MMP16: variants seen among roughly 807,000 people sequenced by gnomAD.
The protein encoded by MMP16 is matrix metalloproteinase-16.
In MMP16, 12 loss-of-function variants were observed where a neutral mutation model predicts 67.8. The observed-to-expected ratio is 0.18, with a 90% CI of 0.11 to 0.29. The LOEUF (loss-of-function observed/expected upper bound fraction) is 0.29, where lower values mean the gene tolerates loss of function less well. Among genes scored for constraint, MMP16 ranks in the 10% least tolerant of loss-of-function variants. The pLI, the probability that MMP16 is intolerant of heterozygous loss-of-function variation, is 1.00. For synonymous variants in MMP16, 249 were observed against 255.9 expected (o/e 0.97, Z 0.26); for missense variants, 475 against 765.7 (o/e 0.62, Z 4.48).
intron 6 of MMP16, among the ~76,000 whole-genome samples, chr8:88,080,637 C>T (rs1369851235): frequency 2.0e-5 from 3 of 151,900 alleles, no homozygotes; most frequent in South Asian, 2.1e-4. Flanking sequence ...GGTTTCACCA[C>T]GTTGGCCAGG....
intron 3 of MMP16, among the ~76,000 whole-genome samples, chr8:88,168,406 G>T (rs1252383267): frequency 6.6e-6 from 1 of 152,090 alleles, no homozygotes; most frequent in East Asian, 1.9e-4. Context: ...TGCTCTTCTT[G>T]ATCTGTAAAT....
intron 1 of MMP16, among the ~76,000 whole-genome samples, chr8:88,242,217 C>T (rs770506367): frequency 1.2e-4 from 19 of 152,090 alleles, no homozygotes; most frequent in South Asian, 8.3e-4. Flanking sequence ...TTAATGGAGA[C>T]GGGACAAGAG....
intron 1 of MMP16, among the ~76,000 whole-genome samples, chr8:88,199,773 T>C (rs562436690): frequency 1.2e-4 from 18 of 152,056 alleles, no homozygotes; most frequent in African/African-American, 4.1e-4. Flanking sequence ...ACCATACCCT[T>C]CCATCCTCGT....
At chr8:88,168,314 T>A (rs1458966950) in intron 3 of MMP16, among the ~76,000 whole-genome samples, 8 of 152,190 alleles carry the variant, frequency 5.3e-5, no homozygotes, top group African/African-American at 1.9e-4. Flanking sequence ...GGAGCTGAAA[T>A]AAAAATTTCA....
intron 1 of MMP16, among the ~76,000 whole-genome samples, chr8:88,290,857 G>A (rs1388410821): frequency 6.6e-6 from 1 of 152,080 alleles, no homozygotes. Flanking sequence ...CATAATCTAA[G>A]CTGGATATAT....
chr8:88,053,986 T>C (rs1411461806), intron 8 of MMP16, among the ~76,000 whole-genome samples: 4 of 152,196 alleles, frequency 2.6e-5, no homozygotes, highest in Non-Finnish European at 5.9e-5. Context: ...CCATTTTCTA[T>C]AGTCTTTATT....
intron 6 of MMP16, among the ~76,000 whole-genome samples, chr8:88,113,939 T>A (rs563868470): frequency 6.6e-6 from 1 of 151,988 alleles, no homozygotes; most frequent in Non-Finnish European, 1.5e-5. Flanking sequence ...CTACTTTTCT[T>A]TTGAAACTTT....
rs895867305 is a variant in MMP16 at position 88,110,691 on chromosome 8, T to G, written c.1083+5816A>C. Among the ~76,000 whole-genome samples the G allele has an allele frequency of 2.6e-5, 4 of 151,784 alleles. No homozygotes were observed. In the South Asian group the frequency reaches 8.3e-4, roughly 31 times the overall value. On this transcript the variant is annotated intron_variant, in intron 6 of 9. Coordinates refer to ENST00000286614, the MANE Select transcript of MMP16 (RefSeq NM_005941.5). ...AACAAAATAGTTTTTAATCATTCCA[T>G]TGACTAAAGTGATATGATATGAATA...
At chr8:88,276,424 TA>T (rs992813162) in intron 1 of MMP16, among the ~76,000 whole-genome samples, 9 of 152,150 alleles carry the variant, frequency 5.9e-5, no homozygotes, top group Non-Finnish European at 1.2e-4. Context: ...GAAGCTTAAA[TA>T]AGATATGAAA....
intron 1 of MMP16, among the ~76,000 whole-genome samples, chr8:88,198,263 A>G (rs1169289840): frequency 6.6e-6 from 1 of 152,144 alleles, no homozygotes; most frequent in Non-Finnish European, 1.5e-5. Flanking sequence ...TTCAGGCCAC[A>G]TCCCATCCTG....
At chr8:88,273,806 T>C (rs1437253175) in intron 1 of MMP16, among the ~76,000 whole-genome samples, 2 of 152,170 alleles carry the variant, frequency 1.3e-5, no homozygotes, top group Non-Finnish European at 2.9e-5. Context: ...TGGTTATATG[T>C]CAATGGAAAC....
chr8:88,127,860 C>G (rs547925556), intron 4 of MMP16, among the ~76,000 whole-genome samples: 429 of 151,974 alleles, frequency 2.8e-3, no homozygotes, highest in Non-Finnish European at 4.7e-3. Flanking sequence ...CATATGCATT[C>G]TGCTATATCT....
chr8:88,243,264 G>C (rs1810059663), intron 1 of MMP16, among the ~76,000 whole-genome samples: 1 of 152,132 alleles, frequency 6.6e-6, no homozygotes, highest in Non-Finnish European at 1.5e-5. Flanking sequence ...TTGGATTCAA[G>C]TCCATTAGGA....
At chr8:88,269,614 T>C (rs960847065) in intron 1 of MMP16, among the ~76,000 whole-genome samples, 1 of 152,184 alleles carries the variant, frequency 6.6e-6, no homozygotes, top group African/African-American at 2.4e-5. Flanking sequence ...AACAGAAGAC[T>C]TCTTCCATTC....
Position 88,167,680 on chromosome 8 carries a change from G to C in MMP16, c.698C>G (p.Pro233Arg). 6.2e-7 allele frequency: 1 copy of C among 1,609,740 alleles called. No homozygotes were observed. The highest frequency in any genetic ancestry group is 8.5e-7 in the Non-Finnish European group (1 of 1,177,636). Residue 233 changes from proline to arginine, a missense_variant, in exon 4 of 10, where the codon CCT becomes CGT. Pro to Arg is a moderately radical substitution (Grantham distance 103). This residue lies in a region of MMP16 where 195 missense variants were observed against 300.9 expected (regional missense o/e 0.65). Coordinates refer to ENST00000286614, the MANE Select transcript of MMP16 (RefSeq NM_005941.5). ...DSDEPWTLGNPNHDGNDLFLV... is the reference protein window; with the variant it reads ...DSDEPWTLGNRNHDGNDLFLV... ...AAACATGTACTTACCATCATGATTA[G>C]GATTTCCTAGTGTCCATGGCTCATC... is the stretch of plus-strand genomic sequence containing the variant.
At chr8:88,167,215 A>G (rs1808729335) in intron 4 of MMP16, among the ~76,000 whole-genome samples, 1 of 152,122 alleles carries the variant, frequency 6.6e-6, no homozygotes, top group Non-Finnish European at 1.5e-5. Flanking sequence ...TTCATCTCAA[A>G]ACAAACAAAC....
At position 88,093,885 on chromosome 8, in the gene MMP16, T is replaced by G. The variant is rs28906384; in HGVS notation, c.1084-19142A>C. On this transcript the variant is annotated intron_variant, in intron 6 of 9. Transcript: ENST00000286614. Reference sequence around the variant, plus strand: ...TATACTAGCAATTTCAATGACACTATAAATGTTTCATGTTTGAAGAGTATA... The same window carrying G: ...TATACTAGCAATTTCAATGACACTAGAAATGTTTCATGTTTGAAGAGTATA... Among the ~76,000 whole-genome samples the G allele has an allele frequency of 5.9e-3, 892 of 151,976 alleles. 7 individuals are homozygous for G. Among genetic ancestry groups the G allele is most frequent in the African/African-American group, 0.021 (853 of 41,520 alleles).
intron 1 of MMP16, among the ~76,000 whole-genome samples, chr8:88,295,528 CT>C (rs1370706382): frequency 6.6e-6 from 1 of 152,146 alleles, no homozygotes; most frequent in Non-Finnish European, 1.5e-5. Flanking sequence ...TCAGAGGGAA[CT>C]TTATACTACA....
intron 2 of MMP16, among the ~76,000 whole-genome samples, chr8:88,192,466 A>T (rs552930644): frequency 7.2e-5 from 11 of 152,306 alleles, no homozygotes; most frequent in African/African-American, 2.4e-4. Context: ...TCAGAATAGG[A>T]ATCTAAGGTC....
Sources: gnomAD v4.1 joint callset for allele counts (sites outside exome capture counted in the v4.1 genomes callset) on GRCh38, gnomAD v4.1.1 for gene constraint, gnomAD v4.1.1 regional missense constraint, MANE v1.5 for transcripts, NCBI Gene and HGNC (gene_info 2026-07-23, HGNC 2026-07-21) for gene names.